Variants in GSPT1 observed in about 807,000 individuals in gnomAD.
The protein encoded by GSPT1 is eukaryotic peptide chain release factor GTP-binding subunit ERF3A.
Under a neutral mutation model 72.5 loss-of-function variants are expected in GSPT1, and 20 were observed. The observed-to-expected ratio is 0.28, with a 90% CI of 0.19 to 0.40. GSPT1 has a LOEUF of 0.40. Among genes scored for constraint, GSPT1 ranks in the 10% least tolerant of loss-of-function variants. GSPT1 has a pLI of 1.00. For missense variants in GSPT1, 580 were observed against 811.9 expected, an observed-to-expected ratio of 0.71 and a Z score of 3.47; for synonymous variants, 334 against 293.5, an observed-to-expected ratio of 1.14 and a Z score of -1.41.
intron 11 of GSPT1, among the ~76,000 whole-genome samples, chr16:11,879,800 T>G (rs907060098): frequency 2.0e-5 from 3 of 151,180 alleles, no homozygotes; most frequent in African/African-American, 7.3e-5. Flanking sequence ...AACAGTTTCA[T>G]AAAATATCAA....
At position 11,880,921 on chromosome 16, in the gene GSPT1, C is replaced by T. The variant is rs576957743; in HGVS notation, c.1428+2094G>A. ...CCTCTTTTTTATTTGATATTTGAGA[C>T]GGAGTCTCGCACTGTCGCCTGTGCT... On this transcript the variant is annotated intron_variant, in intron 11 of 14. Transcript: ENST00000434724. Among the ~76,000 whole-genome samples the T allele has an allele frequency of 3.3e-4, 51 of 152,296 alleles. No homozygotes were observed. The South Asian group carries it at 7.0e-3, about 21-fold the overall frequency.
chr16:11,913,075 A>G (rs2054580991), intron 1 of GSPT1, among the ~76,000 whole-genome samples: 1 of 152,210 alleles, frequency 6.6e-6, no homozygotes, highest in Non-Finnish European at 1.5e-5. Flanking sequence ...TCGCTATCAA[A>G]AAAACCTTGC....
At chr16:11,882,711 T>C (rs1020972159) in intron 11 of GSPT1, 4 of 234,076 alleles carry the variant, frequency 1.7e-5, no homozygotes, top group African/African-American at 4.5e-5. Context: ...TCCTAGCACT[T>C]TGGGAGGCCA....
At chr16:11,908,025 T>C (rs548527718) in intron 1 of GSPT1, among the ~76,000 whole-genome samples, 1 of 151,920 alleles carries the variant, frequency 6.6e-6, no homozygotes, top group Admixed American at 6.6e-5. Flanking sequence ...GCAGATCACT[T>C]GAGGTCAGGA....
At chr16:11,889,801 C>A (rs1003989866) in intron 6 of GSPT1, among the ~76,000 whole-genome samples, 1 of 151,132 alleles carries the variant, frequency 6.6e-6, no homozygotes, top group Non-Finnish European at 1.5e-5. Flanking sequence ...ACACTGTGCC[C>A]GGCCATTTTT....
intron 1 of GSPT1, among the ~76,000 whole-genome samples, chr16:11,912,363 CA>C (rs1383932121): frequency 1.0e-4 from 13 of 129,708 alleles, no homozygotes; most frequent in Non-Finnish European, 1.7e-4. Context: ...AAAAAAAAAA[CA>C]AAAAAAAAAC....
Position 11,872,889 on chromosome 16 carries a change from G to C in GSPT1, c.*230C>G, listed in dbSNP as rs2053994315. The C allele has an allele frequency of 4.8e-6, 2 of 417,298 alleles. No homozygotes were observed. The highest frequency in any genetic ancestry group is 8.6e-6 in the Non-Finnish European group (2 of 231,890). 25.8% of individuals were successfully genotyped at this position (417,298 alleles called of 1,614,324 possible). ...ATTGCCAAATCTGTCCAAGGAAGCA[G>C]AGTTTGAAGTGAGGGCTAGGGACAG... On this transcript the variant is annotated 3_prime_UTR_variant, in exon 15 of 15. Coordinates refer to ENST00000434724, the MANE Select transcript of GSPT1 (RefSeq NM_002094.4).
At chr16:11,887,832 G>T in intron 6 of GSPT1, 82 bp from the exon 7 acceptor site, 1 of 918,158 alleles carries the variant, frequency 1.1e-6, no homozygotes, top group Non-Finnish European at 1.7e-6. Context: ...AAGATATAAT[G>T]GATGACACAC....
In GSPT1 at chr16:11,877,630, C is replaced by T. The variant is rs186546884; in HGVS notation, c.1429-50G>A. ...GTTTTCTGACACATTCACTGCATTA[C>T]GCAACATAAAATGATCTGAATGTCT... On this transcript the variant is annotated intron_variant, in intron 11 of 14. Coordinates refer to ENST00000434724, the MANE Select transcript of GSPT1 (RefSeq NM_002094.4). This position sits in a 1 kb window ranked among gnomAD's most constrained non-coding sequence, Gnocchi z 4.0. 1.9e-4 allele frequency: 219 copies of T among 1,152,474 alleles called. No homozygotes were observed. The highest frequency in any genetic ancestry group is 8.0e-4 in the Admixed American group (29 of 36,382). The allele number at this position is 1,152,474 out of a possible 1,614,324, so 71.4% of individuals were successfully genotyped here.
At chr16:11,891,960 GCCAGAAAATAGTT>G (rs1331680606) in intron 5 of GSPT1, among the ~76,000 whole-genome samples, 1 of 152,078 alleles carries the variant, frequency 6.6e-6, no homozygotes, top group East Asian at 1.9e-4. Context: ...ACCACGCCTG[GCCAGAAAATAGTT>G]AAAGTAAAGG....
chr16:11,888,697 G>A (rs949065926), intron 6 of GSPT1, among the ~76,000 whole-genome samples: 3 of 152,270 alleles, frequency 2.0e-5, no homozygotes, highest in Admixed American at 1.3e-4. Context: ...AGGAGGCGGA[G>A]GTTGCAGTGA....
intron 1 of GSPT1, among the ~76,000 whole-genome samples, chr16:11,912,230 C>T (rs1422172951): frequency 6.6e-6 from 1 of 151,468 alleles, no homozygotes; most frequent in African/African-American, 2.4e-5. Flanking sequence ...TGCCTGTAAT[C>T]CCAGCTACTC....
intron 7 of GSPT1, 90 bp from the exon 8 acceptor site, chr16:11,887,021 GTTTTTTT>G: frequency 1.8e-6 from 1 of 545,748 alleles, no homozygotes; most frequent in Admixed American, 4.1e-5. Context: ...TATATCACGA[GTTTTTTT>G]TTTTTTTTTT....
At position 11,872,361 on chromosome 16, in the gene GSPT1, C is replaced by G. The variant is rs2053988010; in HGVS notation, c.*758G>C. ...AAACAACTTACTGTGTTCAAGAAAT[C>G]ATGTTACAATATAAATTGGCAAAAA... On this transcript the variant is annotated 3_prime_UTR_variant, in exon 15 of 15. Coordinates refer to ENST00000434724, the MANE Select transcript of GSPT1 (RefSeq NM_002094.4). 1 of 146,784 alleles carries G rather than the reference C, an allele frequency of 6.8e-6. No individual in the cohort carries two copies. The highest frequency in any genetic ancestry group is 1.5e-5 in the Non-Finnish European group (1 of 67,132). 9.1% of individuals were successfully genotyped at this position (146,784 alleles called of 1,614,324 possible).
rs2053988081 is a variant in GSPT1, at chr16:11,872,372, A to G, written c.*747T>C. The G allele has an allele frequency of 6.7e-6, 1 of 148,586 alleles. No individual in the cohort carries two copies. Among genetic ancestry groups the G allele is most frequent in the African/African-American group, 2.6e-5 (1 of 38,576 alleles). The allele number at this position is 148,586 out of a possible 1,614,324, so 9.2% of individuals were successfully genotyped here. On this transcript the variant is annotated 3_prime_UTR_variant, in exon 15 of 15. Transcript: ENST00000434724. ...TGTGTTCAAGAAATCATGTTACAAT[A>G]TAAATTGGCAAAAAAAAAAAAAATA...
intron 1 of GSPT1, among the ~76,000 whole-genome samples, chr16:11,911,672 C>T: frequency 6.6e-6 from 1 of 151,490 alleles, no homozygotes; most frequent in African/African-American, 2.4e-5. Flanking sequence ...CCTGCCTCAG[C>T]CTCCCCAGTA....
intron 13 of GSPT1, 69 bp from the exon 14 acceptor site, chr16:11,875,998 G>T: frequency 6.7e-7 from 1 of 1,490,694 alleles, no homozygotes. Context: ...AACAGGTGTA[G>T]AAATAAAAGT....
At chr16:11,897,462 G>A (rs1250794412) in intron 3 of GSPT1, among the ~76,000 whole-genome samples, 1 of 152,138 alleles carries the variant, frequency 6.6e-6, no homozygotes, top group Non-Finnish European at 1.5e-5. Flanking sequence ...GTGTGCGCCT[G>A]TAATCCCAGC....
intron 6 of GSPT1, among the ~76,000 whole-genome samples, chr16:11,888,125 A>G (rs970498483): frequency 2.0e-5 from 3 of 152,148 alleles, no homozygotes; most frequent in African/African-American, 7.2e-5. Flanking sequence ...ATTGCACTCC[A>G]GCCTGGGCGA....
Sources: gnomAD v4.1 joint callset for allele counts (sites outside exome capture counted in the v4.1 genomes callset) on GRCh38, gnomAD v4.1.1 for gene constraint, Gnocchi (gnomAD v3.1) non-coding constraint, MANE v1.5 for transcripts, NCBI Gene and HGNC (gene_info 2026-07-23, HGNC 2026-07-21) for gene names.